Variants in RASGRP3 observed in about 807,000 individuals in gnomAD.
RASGRP3 encodes the protein RAS guanyl releasing protein 3, also known as ras guanyl-releasing protein 3.
RASGRP3 carries 54 observed loss-of-function variants against 82.7 expected under a neutral mutation model. The ratio of observed to expected loss-of-function variants is 0.65; its 90% CI spans 0.52 to 0.82. RASGRP3 has a LOEUF of 0.82. Among genes scored for constraint, RASGRP3 ranks in the 40% least tolerant of loss-of-function variants. The pLI is 0.00. For missense variants in RASGRP3, 861 were observed against 828.9 expected, an observed-to-expected ratio of 1.04 and a Z score of -0.48; for synonymous variants, 309 against 300.5, an observed-to-expected ratio of 1.03 and a Z score of -0.29.
intron 2 of RASGRP3, among the ~76,000 whole-genome samples, chr2:33,455,097 A>G (rs183943481): frequency 2.1e-4 from 32 of 152,318 alleles, no homozygotes; most frequent in African/African-American, 7.2e-4. Context: ...GATGTCAACT[A>G]TAGCTTCTCA....
intron 1 of RASGRP3, among the ~76,000 whole-genome samples, chr2:33,490,071 T>C (rs960078684): frequency 2.0e-5 from 3 of 152,206 alleles, no homozygotes; most frequent in African/African-American, 7.2e-5. Flanking sequence ...CCTTTACTAA[T>C]TATAACTATT....
intron 1 of RASGRP3, among the ~76,000 whole-genome samples, chr2:33,491,994 A>G (rs1038177912): frequency 6.6e-6 from 1 of 152,262 alleles, no homozygotes; most frequent in Non-Finnish European, 1.5e-5. Flanking sequence ...GGACAGGATC[A>G]TAGGTACTTC....
intron 1 of RASGRP3, among the ~76,000 whole-genome samples, chr2:33,478,947 A>G (rs1176999629): frequency 6.6e-6 from 1 of 152,236 alleles, no homozygotes; most frequent in Non-Finnish European, 1.5e-5. Context: ...TAGATAGGAA[A>G]CTGAGGTTCT....
At chr2:33,471,819 A>G (rs1667076114), upstream of RASGRP3, among the ~76,000 whole-genome samples, 1 of 151,896 alleles carries the variant, frequency 6.6e-6, no homozygotes, top group East Asian at 1.9e-4. Context: ...CCAATATTTG[A>G]TATGTGGTAT....
chr2:33,440,595 CT>C (rs1395990363), intron 1 of RASGRP3, among the ~76,000 whole-genome samples: 1 of 152,150 alleles, frequency 6.6e-6, no homozygotes, highest in Non-Finnish European at 1.5e-5. Context: ...TTTGATGGCC[CT>C]CGTAGAATTC....
At chr2:33,500,236 A>G (rs1244232389) in intron 1 of RASGRP3, among the ~76,000 whole-genome samples, 1 of 152,218 alleles carries the variant, frequency 6.6e-6, no homozygotes, top group African/African-American at 2.4e-5. Flanking sequence ...TTTGTATGCC[A>G]TGGAAAGGAC....
intron 15 of RASGRP3, among the ~76,000 whole-genome samples, chr2:33,556,231 C>CTTTTTTTTTTTTTTTTTTTTTTTTTT (rs573022728): frequency 7.0e-5 from 4 of 57,498 alleles, no homozygotes; most frequent in Non-Finnish European, 1.1e-4. Flanking sequence ...TTCTAATAAT[C>CTTTTTTTTTTTTTTTTTTTTTTTTTT]TTTTTTTTTT....
chr2:33,552,747 C>T (rs1266045126), intron 14 of RASGRP3, among the ~76,000 whole-genome samples: 1 of 152,022 alleles, frequency 6.6e-6, no homozygotes, highest in Non-Finnish European at 1.5e-5. Flanking sequence ...TAGTAATTCC[C>T]TTATTTTGTA....
At chr2:33,437,657 G>T (rs1005616114) in intron 1 of RASGRP3, among the ~76,000 whole-genome samples, 1 of 152,212 alleles carries the variant, frequency 6.6e-6, no homozygotes, top group Non-Finnish European at 1.5e-5. Flanking sequence ...CGGCACAGGA[G>T]GCCAGGACTC....
intron 6 of RASGRP3, 130 bp downstream of exon 6, chr2:33,520,814 C>A: frequency 2.3e-6 from 3 of 1,277,790 alleles, no homozygotes; most frequent in Non-Finnish European, 2.2e-6. Context: ...GAAAGCCTTG[C>A]TGCAGTGAGC....
intron 2 of RASGRP3, chr2:33,514,073 A>G (rs1671197081): frequency 6.6e-6 from 1 of 152,236 alleles, no homozygotes; most frequent in South Asian, 2.1e-4. Flanking sequence ...ACTGGGAATA[A>G]TAATTACTAC....
At chr2:33,489,539 A>T (rs1426192334) in intron 1 of RASGRP3, among the ~76,000 whole-genome samples, 1 of 152,152 alleles carries the variant, frequency 6.6e-6, no homozygotes, top group Non-Finnish European at 1.5e-5. Flanking sequence ...AATGAGGGAC[A>T]CATTGTTGTT....
At chr2:33,522,482 A>G (rs1672132679) in intron 7 of RASGRP3, among the ~76,000 whole-genome samples, 1 of 152,212 alleles carries the variant, frequency 6.6e-6, no homozygotes, top group African/African-American at 2.4e-5. Context: ...ATTTGTATAA[A>G]TGGCTAATTA....
intron 11 of RASGRP3, among the ~76,000 whole-genome samples, chr2:33,534,841 A>G (rs1673451154): frequency 6.6e-6 from 1 of 151,840 alleles, no homozygotes; most frequent in South Asian, 2.1e-4. Flanking sequence ...ACGCCCGGCC[A>G]TTATTCCCAT....
intron 2 of RASGRP3, among the ~76,000 whole-genome samples, chr2:33,455,927 T>A (rs763479609): frequency 6.6e-6 from 1 of 152,176 alleles, no homozygotes; most frequent in East Asian, 1.9e-4. Context: ...AAGTGATACA[T>A]CATTTTCAAT....
At chr2:33,462,535 A>C (rs1306172029) in intron 2 of RASGRP3, among the ~76,000 whole-genome samples, 1 of 151,860 alleles carries the variant, frequency 6.6e-6, no homozygotes, top group Non-Finnish European at 1.5e-5. Context: ...CCGCCACCAT[A>C]GCCCGGCTAG....
At chr2:33,495,490 G>T (rs1471881812) in intron 1 of RASGRP3, among the ~76,000 whole-genome samples, 1 of 151,880 alleles carries the variant, frequency 6.6e-6, no homozygotes, top group African/African-American at 2.4e-5. Context: ...GGGCAGCTTG[G>T]TTCCTAACAG....
rs1190321164 is a variant in RASGRP3 at position 33,555,356 on chromosome 2, G to A, written c.1543-175G>A. On this transcript the variant is annotated intron_variant, in intron 14 of 17. Coordinates refer to ENST00000403687, the MANE Select transcript of RASGRP3 (RefSeq NM_001139488.2). ...AAAGGAAACTCATGTTATCACCACA[G>A]CTGGAAGGGGCCGGGAGAGGGTTCT... The A allele has an allele frequency of 2.6e-5, 13 of 494,710 alleles. No homozygotes were observed. In the East Asian group the frequency reaches 4.3e-4, roughly 16 times the overall value. 30.6% of individuals were successfully genotyped at this position (494,710 alleles called of 1,614,324 possible).
intron 1 of RASGRP3, among the ~76,000 whole-genome samples, chr2:33,477,814 C>A (rs929065268): frequency 2.0e-5 from 3 of 152,176 alleles, no homozygotes; most frequent in African/African-American, 7.2e-5. Context: ...GATAACCAAA[C>A]AGGTTCCTGT....
Sources: allele counts gnomAD v4.1 joint callset (sites outside exome capture counted in the v4.1 genomes callset), GRCh38; gene constraint gnomAD v4.1.1; transcripts MANE v1.5; gene names NCBI Gene and HGNC (gene_info 2026-07-23, HGNC 2026-07-21).